Variants in ATF7IP2 observed in about 807,000 individuals in gnomAD.
ATF7IP2 encodes activating transcription factor 7-interacting protein 2.
In ATF7IP2, 42 loss-of-function variants were observed where a neutral mutation model predicts 64.2. That is an observed-to-expected ratio of 0.65 (90% CI 0.51 to 0.85). The LOEUF is 0.85. Ranked by LOEUF, ATF7IP2 falls within the 40% of genes least tolerant of loss-of-function variation. The probability of loss-of-function intolerance (pLI) is 0.00; values close to 1 mark genes in which losing one functional copy is unlikely to be tolerated. For missense variants in ATF7IP2, 933 were observed against 784.2 expected (o/e 1.19, Z -2.27); for synonymous variants, 308 against 272.8 (o/e 1.13, Z -1.27).
At chr16:10,401,032 G>T (rs1377714211) in intron 1 of ATF7IP2, among the ~76,000 whole-genome samples, 1 of 152,114 alleles carries the variant, frequency 6.6e-6, no homozygotes, top group Non-Finnish European at 1.5e-5. Context: ...TAAATTTTAT[G>T]AAATGCTTTT....
chr16:10,466,882 G>T (rs2049593372), intron 9 of ATF7IP2, among the ~76,000 whole-genome samples: 1 of 151,072 alleles, frequency 6.6e-6, no homozygotes, highest in Non-Finnish European at 1.5e-5. Flanking sequence ...TATTAATCAT[G>T]GTTGTTTTAA....
At chr16:10,387,390 A>G (rs2047223367) in intron 1 of ATF7IP2, 1 of 152,236 alleles carries the variant, frequency 6.6e-6, no homozygotes, top group African/African-American at 2.4e-5. Context: ...TTATCTGCAG[A>G]TATGTACAGA....
chr16:10,453,688 G>T (rs1425216394), intron 8 of ATF7IP2, among the ~76,000 whole-genome samples: 1 of 152,180 alleles, frequency 6.6e-6, no homozygotes, highest in East Asian at 1.9e-4. Flanking sequence ...CACAATCTCA[G>T]CTCATCGCAA....
rs147875566 is a variant in ATF7IP2 at position 10,438,219 on chromosome 16, T to C, written c.1079T>C (p.Ile360Thr). The C allele has an allele frequency of 6.3e-7, 1 of 1,594,880 alleles. No individual in the cohort carries two copies. Among genetic ancestry groups the C allele is most frequent in the Non-Finnish European group, 8.5e-7 (1 of 1,173,518 alleles). ...KTECRNKHEG[I>T]ADKLLAKIAK... ...GAGTGCAGAAATAAGCATGAAGGAATAGCTGATAAACTTTTGGTAAGTTTT... is the reference window on the plus strand; with the variant it reads ...GAGTGCAGAAATAAGCATGAAGGAACAGCTGATAAACTTTTGGTAAGTTTT... The change falls in exon 7 of 14, where the codon ATA (isoleucine) becomes ACA (threonine). Residue 360 changes from isoleucine to threonine, a missense_variant. Coordinates refer to ENST00000562102, the MANE Select transcript of ATF7IP2 (RefSeq NM_001393719.1).
At chr16:10,436,210 A>T (rs9935205) in intron 6 of ATF7IP2, among the ~76,000 whole-genome samples, 36,584 of 152,024 alleles carry the variant, frequency 0.24, 6,035 homozygotes, top group African/African-American at 0.46. Flanking sequence ...AAAAATATAA[A>T]AATTAGCTGG....
intron 7 of ATF7IP2, among the ~76,000 whole-genome samples, chr16:10,439,533 C>CTTTTT (rs760337763): frequency 9.7e-6 from 1 of 102,972 alleles, no homozygotes; most frequent in Non-Finnish European, 1.9e-5. Context: ...CGCCCCCAGC[C>CTTTTT]TTTTTTTTTT....
At chr16:10,451,287 T>C (rs2048976180) in intron 8 of ATF7IP2, among the ~76,000 whole-genome samples, 1 of 152,210 alleles carries the variant, frequency 6.6e-6, no homozygotes, top group African/African-American at 2.4e-5. Flanking sequence ...CTGACGATTA[T>C]GTGTCTTAGG....
At chr16:10,386,300 C>G in intron 1 of ATF7IP2, 178 bp downstream of exon 1, 1 of 152,264 alleles carries the variant, frequency 6.6e-6, no homozygotes, top group East Asian at 1.9e-4. Context: ...CTGACAGGTC[C>G]GGGAAGAGGC....
At chr16:10,458,329 G>C (rs1198164068) in intron 9 of ATF7IP2, among the ~76,000 whole-genome samples, 2 of 152,182 alleles carry the variant, frequency 1.3e-5, no homozygotes, top group Non-Finnish European at 2.9e-5. Context: ...ACTTTGTAGT[G>C]TGACCCCTTA....
intron 5 of ATF7IP2, among the ~76,000 whole-genome samples, chr16:10,432,582 AAAG>A (rs556516241): frequency 1.1e-3 from 172 of 152,280 alleles, no homozygotes; most frequent in Non-Finnish European, 1.9e-3. Flanking sequence ...AAAGAAAAAA[AAAG>A]AAGCCGGGCG....
At chr16:10,418,334 A>G (rs1300930568) in intron 2 of ATF7IP2, among the ~76,000 whole-genome samples, 1 of 152,184 alleles carries the variant, frequency 6.6e-6, no homozygotes, top group Non-Finnish European at 1.5e-5. Context: ...AGCTATCACA[A>G]GCATGTCACA....
In ATF7IP2 at chr16:10,413,026, C is replaced by G. The variant is rs563821978; in HGVS notation, c.-241-1548C>G. On this transcript the variant is annotated intron_variant, in intron 1 of 13. Transcript: ENST00000562102. ...ATTTGCATAGAATGTCTTTTTCCACCCCTTTACCTTAAGCTTATGTGAGCC... is the reference window on the plus strand; with the variant it reads ...ATTTGCATAGAATGTCTTTTTCCACGCCTTTACCTTAAGCTTATGTGAGCC... Among the ~76,000 whole-genome samples the G allele has an allele frequency of 2.6e-5, 4 of 152,022 alleles. No individual in the cohort carries two copies. The South Asian group carries it at 8.3e-4, about 32-fold the overall frequency.
intron 3 of ATF7IP2, among the ~76,000 whole-genome samples, chr16:10,423,688 C>A (rs1241483231): frequency 6.6e-6 from 1 of 152,158 alleles, no homozygotes; most frequent in East Asian, 1.9e-4. Context: ...CCTCCTTTGC[C>A]ACTTTAGCTT....
intron 9 of ATF7IP2, 59 bp downstream of exon 9, chr16:10,457,588 T>A: frequency 7.9e-7 from 1 of 1,262,014 alleles, no homozygotes. Flanking sequence ...GAATTTTTTC[T>A]TCATCACAGT....
chr16:10,398,418 T>TC (rs771866817), intron 1 of ATF7IP2, among the ~76,000 whole-genome samples: 3 of 152,098 alleles, frequency 2.0e-5, no homozygotes, highest in Non-Finnish European at 2.9e-5. Context: ...TTTTAGAAGT[T>TC]CAAAAAAATT....
At chr16:10,392,827 A>T (rs894307176) in intron 1 of ATF7IP2, among the ~76,000 whole-genome samples, 1 of 151,524 alleles carries the variant, frequency 6.6e-6, no homozygotes. Context: ...TGTCTTTAAA[A>T]AAAAAAAAAA....
intron 12 of ATF7IP2, among the ~76,000 whole-genome samples, chr16:10,479,958 CTTTT>C (rs201158427): frequency 2.2e-4 from 18 of 80,552 alleles, no homozygotes; most frequent in Admixed American, 5.0e-4. Flanking sequence ...ACTGGAAATA[CTTTT>C]TTTTTTTTTT....
chr16:10,397,279 T>G (rs1182823072), intron 1 of ATF7IP2, among the ~76,000 whole-genome samples: 1 of 152,342 alleles, frequency 6.6e-6, no homozygotes, highest in East Asian at 1.9e-4. Context: ...AGCTTTATTC[T>G]TTTTGCTTAA....
At chr16:10,454,360 A>G (rs1298385006) in intron 8 of ATF7IP2, 1 of 142,492 alleles carries the variant, frequency 7.0e-6, no homozygotes, top group Non-Finnish European at 1.5e-5. Context: ...CAGTGAGCCA[A>G]GATTGTGCCA....
Sources: gnomAD v4.1 joint callset for allele counts (sites outside exome capture counted in the v4.1 genomes callset) on GRCh38, gnomAD v4.1.1 for gene constraint, MANE v1.5 for transcripts, NCBI Gene and HGNC (gene_info 2026-07-23, HGNC 2026-07-21) for gene names.